The following ANKFN1 variants were observed in gnomAD, a reference collection of about 807,000 sequenced individuals.
ANKFN1 encodes the protein ankyrin repeat and fibronectin type III domain containing 1, also known as ankyrin repeat and fibronectin type-III domain-containing protein 1.
Under a neutral mutation model 108.7 loss-of-function variants are expected in ANKFN1, and 74 were observed. That is an observed-to-expected ratio of 0.68 (90% confidence interval 0.56 to 0.83). The LOEUF (loss-of-function observed/expected upper bound fraction) is 0.83. Among genes scored for constraint, ANKFN1 ranks in the 40% least tolerant of loss-of-function variants. The probability of loss-of-function intolerance (pLI) is 0.00; values close to 1 mark genes in which losing one functional copy is unlikely to be tolerated. For missense variants in ANKFN1, 1,505 were observed against 1,382.3 expected, an observed-to-expected ratio of 1.09 and a Z score of -1.41; for synonymous variants, 547 against 516.2, an observed-to-expected ratio of 1.06 and a Z score of -0.81.
chr17:56,091,014 G>A (rs1038925108), intron 4 of ANKFN1, among the ~76,000 whole-genome samples: 2 of 151,272 alleles, frequency 1.3e-5, no homozygotes, highest in Non-Finnish European at 3.0e-5. Context: ...GTGAACAATT[G>A]TTACAAACTA....
upstream of ANKFN1, among the ~76,000 whole-genome samples, chr17:56,150,269 G>A (rs768880311): frequency 2.0e-5 from 3 of 152,202 alleles, no homozygotes; most frequent in Non-Finnish European, 4.4e-5. Flanking sequence ...ACATGATTAA[G>A]TTGGGAAATT....
At chr17:56,351,710 T>TCTATTACATAGTC (rs2046253153) in intron 5 of ANKFN1, among the ~76,000 whole-genome samples, 3 of 152,168 alleles carry the variant, frequency 2.0e-5, no homozygotes, top group Non-Finnish European at 4.4e-5. Context: ...CATAGTGAGT[T>TCTATTACATAGTC]ATGTAATAGA....
chr17:56,344,410 G>A (rs2046042240), intron 4 of ANKFN1, among the ~76,000 whole-genome samples: 1 of 151,902 alleles, frequency 6.6e-6, no homozygotes, highest in Non-Finnish European at 1.5e-5. Context: ...TGTGTGTTGG[G>A]GCACACCTTC....
intron 15 of ANKFN1, chr17:56,472,082 G>A (rs1173362685): frequency 6.6e-6 from 1 of 152,190 alleles, no homozygotes; most frequent in Non-Finnish European, 1.5e-5. Context: ...ACAAGTGTAA[G>A]TAAAAGAGAC....
chr17:56,096,927 C>A lies in ANKFN1; in HGVS notation c.288+50602C>A, dbSNP rs374973096. 1.8e-4 allele frequency among the ~76,000 whole-genome samples: 28 copies of A among 152,274 alleles called. No homozygotes were observed. In the East Asian group the frequency reaches 3.9e-3, roughly 21 times the overall value. On this transcript the variant is annotated intron_variant, in intron 4 of 12. Transcript: ENST00000635860. The stretch of plus-strand genomic sequence containing the variant: ...TACATATACACCATGGAATACTACG[C>A]AGTCACTAACAAGAATGATATCATG...
chr17:56,098,922 T>C (rs1376718279), intron 4 of ANKFN1, among the ~76,000 whole-genome samples: 1 of 152,060 alleles, frequency 6.6e-6, no homozygotes, highest in African/African-American at 2.4e-5. Context: ...ACACAATGTC[T>C]TTGCGGTTAC....
At chr17:56,048,969 T>C (rs761217674) in intron 4 of ANKFN1, among the ~76,000 whole-genome samples, 18 of 152,176 alleles carry the variant, frequency 1.2e-4, no homozygotes, top group Non-Finnish European at 2.6e-4. Context: ...ACATGTCTTA[T>C]AGTTTCCACT....
chr17:56,511,204 C>G lies in ANKFN1; in HGVS notation c.3376C>G (p.Pro1126Ala), dbSNP rs777170112. 2 of 1,535,464 alleles carry G rather than the reference C, an allele frequency of 1.3e-6. No homozygotes were observed. The highest frequency in any genetic ancestry group is 2.4e-5 in the South Asian group (2 of 83,958). The change falls in exon 21 of 21, where the codon CCC (proline) becomes GCC (alanine). Residue 1126 changes from proline (P) to alanine (A), a missense_variant. Pro to Ala is a conservative substitution (Grantham distance 27). Transcript: ENST00000682825. ...CATCACCCTGCCCAGCCCCACTGGCCCCGATGTGAGTCAGGAGGGCCCCAC... is the reference window on the plus strand; with the variant it reads ...CATCACCCTGCCCAGCCCCACTGGCGCCGATGTGAGTCAGGAGGGCCCCAC... ...GRITLPSPTG[P>A]DVSQEGPTAS...
At chr17:56,279,135 T>G (rs2144230663) in intron 3 of ANKFN1, among the ~76,000 whole-genome samples, 1 of 152,362 alleles carries the variant, frequency 6.6e-6, no homozygotes. Context: ...GTGTAGCCTC[T>G]GCCTTTGAGG....
At chr17:56,056,027 T>C (rs1904871292) in intron 4 of ANKFN1, among the ~76,000 whole-genome samples, 1 of 152,046 alleles carries the variant, frequency 6.6e-6, no homozygotes, top group Admixed American at 6.6e-5. Flanking sequence ...ATATTTCCTC[T>C]TTTGAAAAAT....
intron 3 of ANKFN1, among the ~76,000 whole-genome samples, chr17:56,255,126 A>AC (rs1567866117): frequency 6.6e-6 from 1 of 152,202 alleles, no homozygotes; most frequent in African/African-American, 2.4e-5. Context: ...ACCAGCCTTG[A>AC]CCATGGCCTT....
At chr17:56,213,760 C>A (rs1915214988) in intron 2 of ANKFN1, among the ~76,000 whole-genome samples, 1 of 152,350 alleles carries the variant, frequency 6.6e-6, no homozygotes, top group Admixed American at 6.5e-5. Flanking sequence ...CCACATAACT[C>A]TTACCCCAAA....
intron 3 of ANKFN1, among the ~76,000 whole-genome samples, chr17:56,322,762 T>A (rs1297936476): frequency 1.3e-5 from 2 of 152,210 alleles, no homozygotes; most frequent in Non-Finnish European, 2.9e-5. Context: ...CAGAAAGAAG[T>A]AATAATTCTA....
chr17:56,301,072 G>T (rs950468092), intron 3 of ANKFN1, among the ~76,000 whole-genome samples: 1 of 152,208 alleles, frequency 6.6e-6, no homozygotes, highest in Non-Finnish European at 1.5e-5. Flanking sequence ...TTCTCACAAA[G>T]CTTGGTGAAG....
At chr17:56,169,242 G>C (rs976609395) in intron 1 of ANKFN1, among the ~76,000 whole-genome samples, 2 of 152,136 alleles carry the variant, frequency 1.3e-5, no homozygotes, top group South Asian at 2.1e-4. Flanking sequence ...ATTTCCATTA[G>C]AGAACTTCTA....
chr17:56,121,434 T>C (rs2143297293), intron 4 of ANKFN1, among the ~76,000 whole-genome samples: 1 of 152,246 alleles, frequency 6.6e-6, no homozygotes. Context: ...TGCCTGTCTT[T>C]CATTTCTTAG....
rs1421486586 is a variant in ANKFN1 at position 56,442,992 on chromosome 17, C to T, written c.1099+59C>T. The T allele has an allele frequency of 2.6e-6, 4 of 1,548,774 alleles. No individual in the cohort carries two copies. In the East Asian group the frequency reaches 9.0e-5, roughly 35 times the overall value. On this transcript the variant is annotated intron_variant, in intron 10 of 20. Coordinates refer to ENST00000682825, the MANE Select transcript of ANKFN1 (RefSeq NM_001370326.1). ...TAACAGACTCCAACTGCAACTCCATCTTCAGGGTGCCATTGCCATTCCCTT... is the reference window on the plus strand; with the variant it reads ...TAACAGACTCCAACTGCAACTCCATTTTCAGGGTGCCATTGCCATTCCCTT...
chr17:56,161,861 A>C (rs1350649252), intron 1 of ANKFN1, among the ~76,000 whole-genome samples: 2 of 152,258 alleles, frequency 1.3e-5, no homozygotes, highest in Non-Finnish European at 2.9e-5. Context: ...AATTTGTAGA[A>C]GATTTGGGAC....
At chr17:56,181,638 A>G (rs947267243) in intron 1 of ANKFN1, among the ~76,000 whole-genome samples, 1 of 152,134 alleles carries the variant, frequency 6.6e-6, no homozygotes, top group Non-Finnish European at 1.5e-5. Context: ...ATCACTGCTT[A>G]TTGCCTATTG....
Sources: allele counts gnomAD v4.1 joint callset (sites outside exome capture counted in the v4.1 genomes callset), GRCh38; gene constraint gnomAD v4.1.1; transcripts MANE v1.5; gene names NCBI Gene and HGNC (gene_info 2026-07-23, HGNC 2026-07-21).